PCDHA9: variants seen among roughly 807,000 people sequenced by gnomAD.
The protein encoded by PCDHA9 is protocadherin alpha 9.
In PCDHA9, 62 loss-of-function variants were observed where a neutral mutation model predicts 62.0. That is an observed-to-expected ratio of 1.00 (90% CI 0.81 to 1.23). The LOEUF is 1.23. PCDHA9 is among the 50% of genes most tolerant of loss of function. PCDHA9 has a pLI of 0.00. For synonymous variants in PCDHA9, 557 were observed against 567.6 expected (o/e 0.98, Z 0.27); for missense variants, 1,205 against 1,249.8 (o/e 0.96, Z 0.54).
chr5:140,974,994 A>C (rs901871984), intron 1 of PCDHA9, among the ~76,000 whole-genome samples: 8 of 152,126 alleles, frequency 5.3e-5, no homozygotes, highest in African/African-American at 1.9e-4. Flanking sequence ...AGGTATTCTC[A>C]AGGCTGAAAT....
intron 3 of PCDHA9, among the ~76,000 whole-genome samples, chr5:140,985,796 G>GTGC (rs1245486198): frequency 7.1e-6 from 1 of 140,828 alleles, no homozygotes; most frequent in Non-Finnish European, 1.5e-5. Flanking sequence ...CTGGAGTGCA[G>GTGC]TGGCACGATC....
intron 1 of PCDHA9, among the ~76,000 whole-genome samples, chr5:140,953,471 C>T (rs554082808): frequency 3.9e-5 from 6 of 152,074 alleles, no homozygotes; most frequent in Non-Finnish European, 7.4e-5. Flanking sequence ...TTTTAACTTC[C>T]TCATGCTGTG....
At chr5:140,991,109 C>A (rs987847767) in intron 3 of PCDHA9, among the ~76,000 whole-genome samples, 1 of 152,156 alleles carries the variant, frequency 6.6e-6, no homozygotes, top group Non-Finnish European at 1.5e-5. Flanking sequence ...AATTAAGTGG[C>A]TTTCTTACAT....
At chr5:140,893,984 AT>A (rs1305613741) in intron 1 of PCDHA9, among the ~76,000 whole-genome samples, 1 of 152,200 alleles carries the variant, frequency 6.6e-6, no homozygotes, top group South Asian at 2.1e-4. Context: ...TAATTTTAAA[AT>A]ATCTCCAATT....
At chr5:140,884,006 C>A in intron 1 of PCDHA9, 1 of 1,613,022 alleles carries the variant, frequency 6.2e-7, no homozygotes, top group Non-Finnish European at 8.5e-7. Context: ...AGTGAGCGAG[C>A]TGATGCCGCG....
At chr5:140,970,156 T>C (rs933887683) in intron 1 of PCDHA9, among the ~76,000 whole-genome samples, 6 of 152,188 alleles carry the variant, frequency 3.9e-5, no homozygotes, top group African/African-American at 1.4e-4. Context: ...CTCCCAATAG[T>C]CACCTTTCTT....
At chr5:140,975,560 A>T (rs1302523568) in intron 1 of PCDHA9, among the ~76,000 whole-genome samples, 1 of 152,238 alleles carries the variant, frequency 6.6e-6, no homozygotes, top group Non-Finnish European at 1.5e-5. Flanking sequence ...AAGGAAAAGG[A>T]GATATTATAT....
intron 1 of PCDHA9, among the ~76,000 whole-genome samples, chr5:140,925,081 GA>G (rs2082282278): frequency 1.4e-5 from 2 of 146,052 alleles, no homozygotes; most frequent in African/African-American, 2.7e-5. Flanking sequence ...CGCTCATCTG[GA>G]AAGGAAGGAA....
intron 3 of PCDHA9, among the ~76,000 whole-genome samples, chr5:140,995,409 A>G (rs1056120944): frequency 2.6e-4 from 39 of 152,210 alleles, no homozygotes; most frequent in Admixed American, 6.5e-5. Flanking sequence ...TCGAGATTTC[A>G]TCACATTACT....
rs140660802 is a variant in PCDHA9 at position 140,849,759 on chromosome 5, G to C, written c.1264G>C (p.Glu422Gln). 47 of 1,598,444 alleles carry C rather than the reference G, an allele frequency of 2.9e-5. 6 individuals are homozygous for C. Among genetic ancestry groups the C allele is most frequent in the Non-Finnish European group, 4.0e-5 (47 of 1,167,970 alleles). ...ALDRESVSAYELVVTARDGGS... is the reference protein window; with the variant it reads ...ALDRESVSAYQLVVTARDGGS... ...GGACCGCGAGAGTGTGTCCGCCTAC[G>C]AGCTGGTGGTTACCGCGCGGGACGG... Residue 422 changes from glutamate to glutamine, a missense_variant, in exon 1 of 4, where the codon GAG becomes CAG. Glu to Gln is a conservative substitution (Grantham distance 29). Around this residue, in one of 3 missense-constraint regions of PCDHA9, gnomAD observed 887 missense variants for 809.5 expected, o/e 1.10. Coordinates refer to ENST00000532602, the MANE Select transcript of PCDHA9 (RefSeq NM_031857.2).
At chr5:140,986,524 G>GAACT (rs1403082336) in intron 3 of PCDHA9, among the ~76,000 whole-genome samples, 2 of 152,198 alleles carry the variant, frequency 1.3e-5, no homozygotes, top group Non-Finnish European at 2.9e-5. Flanking sequence ...GCCTGTGAGG[G>GAACT]AACTGGCCTG....
At chr5:140,856,112 GCC>G (rs2043785671) in intron 1 of PCDHA9, 1 of 1,598,078 alleles carries the variant, frequency 6.3e-7, no homozygotes, top group Non-Finnish European at 8.6e-7. Context: ...TCTCCTCGCA[GCC>G]TGGGAGGTGG....
intron 1 of PCDHA9, among the ~76,000 whole-genome samples, chr5:140,976,067 T>C (rs1554237245): frequency 6.6e-6 from 1 of 152,218 alleles, no homozygotes; most frequent in Non-Finnish European, 1.5e-5. Flanking sequence ...ATATATGTCT[T>C]ACTGTGTCAG....
At chr5:140,911,439 A>C (rs2075473101) in intron 1 of PCDHA9, among the ~76,000 whole-genome samples, 2 of 152,080 alleles carry the variant, frequency 1.3e-5, no homozygotes, top group Admixed American at 1.3e-4. Context: ...AATTTCCCGC[A>C]ATTTCAGCTC....
intron 1 of PCDHA9, chr5:140,877,906 A>C: frequency 7.0e-7 from 1 of 1,435,008 alleles, no homozygotes; most frequent in Non-Finnish European, 9.2e-7. Flanking sequence ...TTATAACTAC[A>C]TTCTCTCATT....
chr5:140,966,042 G>T (rs1554228004), intron 1 of PCDHA9, among the ~76,000 whole-genome samples: 1 of 152,152 alleles, frequency 6.6e-6, no homozygotes, highest in Admixed American at 6.5e-5. Context: ...AGTTCCCATC[G>T]CCAGTAACCC....
chr5:140,997,995 T>C (rs573319923), intron 3 of PCDHA9, among the ~76,000 whole-genome samples: 1 of 152,304 alleles, frequency 6.6e-6, no homozygotes, highest in East Asian at 1.9e-4. Flanking sequence ...CATACTTCCC[T>C]CTGAGCCTTC....
At position 140,897,620 on chromosome 5, in the gene PCDHA9, A is replaced by G. The variant is rs1317464980; in HGVS notation, c.2394+46731A>G. On this transcript the variant is annotated intron_variant, in intron 1 of 3. Coordinates refer to ENST00000532602, the MANE Select transcript of PCDHA9 (RefSeq NM_031857.2). Reference sequence around the variant, plus strand: ...ACATTTGGGTTGGTTCCAAGTCTTTACTATTGTGTATAGTGCCACAATAAA... The same window carrying G: ...ACATTTGGGTTGGTTCCAAGTCTTTGCTATTGTGTATAGTGCCACAATAAA... Among the ~76,000 whole-genome samples, 1,214 of 152,126 alleles carry G rather than the reference A, an allele frequency of 8.0e-3. 6 individuals are homozygous for G. The highest frequency in any genetic ancestry group is 0.019 in the African/African-American group (783 of 41,492).
chr5:140,926,943 T>C (rs2083677139), intron 1 of PCDHA9: 1 of 1,587,096 alleles, frequency 6.3e-7, no homozygotes, highest in Non-Finnish European at 8.6e-7. Context: ...CCTGCGGCGC[T>C]GCAGCGGGAC....
Sources: allele counts gnomAD v4.1 joint callset (sites outside exome capture counted in the v4.1 genomes callset), GRCh38; gene constraint gnomAD v4.1.1; regional missense constraint gnomAD v4.1.1; transcripts MANE v1.5; gene names NCBI Gene and HGNC (gene_info 2026-07-23, HGNC 2026-07-21).